The following WDPCP variants were observed in gnomAD, a reference collection of about 807,000 sequenced individuals.
WDPCP encodes WD repeat-containing and planar cell polarity effector protein fritz homolog.
Under a neutral mutation model 93.1 loss-of-function variants are expected in WDPCP, and 71 were observed. That is an observed-to-expected ratio of 0.76 (90% CI 0.63 to 0.93). The LOEUF (loss-of-function observed/expected upper bound fraction) is 0.93, where lower values mean the gene tolerates loss of function less well. Ranked by LOEUF, WDPCP falls within the 40% of genes least tolerant of loss-of-function variation. The pLI is 0.00. For missense variants in WDPCP, 844 were observed against 887.4 expected, an observed-to-expected ratio of 0.95 and a Z score of 0.62; for synonymous variants, 315 against 315.0, an observed-to-expected ratio of 1.00 and a Z score of 0.00.
intron 14 of WDPCP, among the ~76,000 whole-genome samples, chr2:63,187,703 T>C (rs1047226913): frequency 2.0e-5 from 3 of 152,226 alleles, no homozygotes; most frequent in Non-Finnish European, 4.4e-5. Flanking sequence ...GTGTCTGTGA[T>C]TTACTCATTT....
intron 6 of WDPCP, among the ~76,000 whole-genome samples, chr2:63,469,862 A>T (rs997237783): frequency 3.3e-5 from 5 of 152,188 alleles, no homozygotes; most frequent in African/African-American, 7.2e-5. Context: ...AAAGTTTTTT[A>T]AAAAATACTT....
chr2:63,792,919 A>G (rs1365013533), intron 2 of WDPCP, among the ~76,000 whole-genome samples: 1 of 145,464 alleles, frequency 6.9e-6, no homozygotes, highest in East Asian at 2.0e-4. Flanking sequence ...ATAACAGTGT[A>G]AAAAAAAAAA....
chr2:63,314,722 C>T (rs2103985562), intron 12 of WDPCP, among the ~76,000 whole-genome samples: 1 of 152,210 alleles, frequency 6.6e-6, no homozygotes, highest in East Asian at 1.9e-4. Flanking sequence ...CCTCAATAAC[C>T]TTACCACACC....
intron 3 of WDPCP, among the ~76,000 whole-genome samples, chr2:63,607,462 G>A (rs1709555534): frequency 6.6e-6 from 1 of 151,902 alleles, no homozygotes; most frequent in Non-Finnish European, 1.5e-5. Flanking sequence ...GGTTGTCCCG[G>A]GGGGCGGAAG....
chr2:63,658,397 G>A (rs115435317), intron 2 of WDPCP, among the ~76,000 whole-genome samples: 4 of 152,248 alleles, frequency 2.6e-5, no homozygotes, highest in Non-Finnish European at 4.4e-5. Flanking sequence ...TGTCAGCCAG[G>A]TACTTTTCCT....
chr2:63,467,980 G>C (rs1471248661), intron 6 of WDPCP, among the ~76,000 whole-genome samples: 1 of 152,126 alleles, frequency 6.6e-6, no homozygotes, highest in African/African-American at 2.4e-5. Context: ...GAGGAACTGA[G>C]GCTGGCGGTA....
At chr2:63,457,425 G>A (rs1406968270) in intron 6 of WDPCP, among the ~76,000 whole-genome samples, 1 of 152,086 alleles carries the variant, frequency 6.6e-6, no homozygotes, top group African/African-American at 2.4e-5. Flanking sequence ...AACTATTGAA[G>A]AGGAATGAAT....
At chr2:63,189,055 G>T (rs183288392) in intron 14 of WDPCP, among the ~76,000 whole-genome samples, 64 of 152,256 alleles carry the variant, frequency 4.2e-4, no homozygotes, top group Admixed American at 8.5e-4. Context: ...GGGTGCTTCT[G>T]ACTGTCTTCT....
intron 17 of WDPCP, among the ~76,000 whole-genome samples, chr2:63,143,637 A>G (rs553410296): frequency 6.6e-6 from 1 of 152,264 alleles, no homozygotes; most frequent in East Asian, 1.9e-4. Flanking sequence ...TGGCTTGGTA[A>G]TGGCAAATTC....
chr2:63,383,168 C>T (rs946708820), intron 10 of WDPCP, among the ~76,000 whole-genome samples: 1 of 152,090 alleles, frequency 6.6e-6, no homozygotes. Context: ...AAAAAATACA[C>T]TGGATGTACA....
At chr2:63,560,399 T>C (rs547958787) in intron 1 of WDPCP, among the ~76,000 whole-genome samples, 2 of 152,232 alleles carry the variant, frequency 1.3e-5, no homozygotes, top group East Asian at 3.9e-4. Context: ...AACAGACACA[T>C]AGATCAATGC....
intron 3 of WDPCP, among the ~76,000 whole-genome samples, chr2:63,647,792 A>C (rs1553447758): frequency 6.7e-6 from 1 of 149,596 alleles, no homozygotes; most frequent in Non-Finnish European, 1.5e-5. Flanking sequence ...CTGTATTATC[A>C]TTTTTTTTTT....
At chr2:63,536,773 CTTTTTTTT>C (rs58661370) in intron 1 of WDPCP, among the ~76,000 whole-genome samples, 1 of 93,636 alleles carries the variant, frequency 1.1e-5, no homozygotes, top group Non-Finnish European at 1.9e-5. Context: ...ATTCTTCATG[CTTTTTTTT>C]TTTTTTTTGA....
chr2:63,495,915 C>G (rs1331268878), intron 1 of WDPCP, among the ~76,000 whole-genome samples: 1 of 152,140 alleles, frequency 6.6e-6, no homozygotes, highest in Non-Finnish European at 1.5e-5. Context: ...GGAGAAGTTA[C>G]TACACAAGAG....
chr2:63,175,004 T>A (rs1357544195), intron 14 of WDPCP, among the ~76,000 whole-genome samples, 172 bp from the exon 15 acceptor site: 2 of 152,248 alleles, frequency 1.3e-5, no homozygotes, highest in African/African-American at 4.8e-5. Flanking sequence ...TTATACTTAC[T>A]TCAGCAGTTT....
the WDPCP span, among the ~76,000 whole-genome samples, chr2:63,840,579 ATGTGATGAG>A: frequency 6.6e-6 from 1 of 152,110 alleles, no homozygotes; most frequent in Admixed American, 6.5e-5. Flanking sequence ...CCCCAACCAG[ATGTGATGAG>A]GGGAGCAAGC....
intron 9 of WDPCP, among the ~76,000 whole-genome samples, chr2:63,412,552 A>G (rs905243047): frequency 3.3e-5 from 5 of 152,324 alleles, no homozygotes; most frequent in Admixed American, 2.6e-4. Context: ...AGAGAAAGAA[A>G]TAAAGAGCAA....
intron 2 of WDPCP, among the ~76,000 whole-genome samples, chr2:63,657,859 C>T (rs1036743356): frequency 6.6e-6 from 1 of 152,142 alleles, no homozygotes; most frequent in Non-Finnish European, 1.5e-5. Context: ...CTGGCCTCTG[C>T]TTGGCAGGGA....
intron 1 of WDPCP, among the ~76,000 whole-genome samples, chr2:63,545,042 A>T (rs939879580): frequency 6.6e-6 from 1 of 152,154 alleles, no homozygotes; most frequent in Non-Finnish European, 1.5e-5. Flanking sequence ...AAAAAGAGGA[A>T]TTCAGGCAAA....
Sources: allele counts gnomAD v4.1 joint callset (sites outside exome capture counted in the v4.1 genomes callset), GRCh38; gene constraint gnomAD v4.1.1; transcripts MANE v1.5; gene names NCBI Gene and HGNC (gene_info 2026-07-23, HGNC 2026-07-21).